SIK3: variants seen among roughly 807,000 people sequenced by gnomAD.
SIK3 encodes the protein serine/threonine-protein kinase SIK3.
Under a neutral mutation model 144.2 loss-of-function variants are expected in SIK3, and 28 were observed. The ratio of observed to expected loss-of-function variants is 0.19; its 90% CI spans 0.14 to 0.27. The LOEUF is 0.27. SIK3 is among the 10% of genes least tolerant of loss of function. The pLI is 1.00. For synonymous variants in SIK3, 686 were observed against 676.3 expected (o/e 1.01, Z -0.22); for missense variants, 1,319 against 1,776.0 (o/e 0.74, Z 4.62).
intron 8 of SIK3, 42 bp from the exon 9 acceptor site, chr11:116,876,051 A>G: frequency 6.2e-7 from 1 of 1,609,910 alleles, no homozygotes. Context: ...CCCTGGTGAA[A>G]TGGCATGTTG....
chr11:117,073,665 C>T (rs1954377840), intron 1 of SIK3, among the ~76,000 whole-genome samples: 1 of 152,204 alleles, frequency 6.6e-6, no homozygotes, highest in Non-Finnish European at 1.5e-5. Context: ...ACCAGACCTA[C>T]ACACAGGTTT....
intron 6 of SIK3, among the ~76,000 whole-genome samples, chr11:116,890,733 A>G (rs922404406): frequency 2.0e-5 from 3 of 152,190 alleles, no homozygotes; most frequent in African/African-American, 7.2e-5. Flanking sequence ...ATTCTAGAAT[A>G]CAGGAGTGGG....
At chr11:116,897,844 C>G (rs571092014) in intron 4 of SIK3, among the ~76,000 whole-genome samples, 1 of 151,756 alleles carries the variant, frequency 6.6e-6, no homozygotes, top group East Asian at 1.9e-4. Context: ...GATGGCGCCA[C>G]TGCACTCCAG....
intron 1 of SIK3, among the ~76,000 whole-genome samples, chr11:117,025,655 C>T (rs1951976083): frequency 6.6e-6 from 1 of 152,074 alleles, no homozygotes; most frequent in African/African-American, 2.4e-5. Flanking sequence ...GTCTTGAACT[C>T]CTAATCACTC....
chr11:117,035,119 T>C (rs1395936584), intron 1 of SIK3, among the ~76,000 whole-genome samples: 1 of 152,160 alleles, frequency 6.6e-6, no homozygotes, highest in Non-Finnish European at 1.5e-5. Context: ...TCCAAAATGC[T>C]TTTTTCAAAC....
Position 116,973,068 on chromosome 11 carries a change from G to C in SIK3, c.274-16004C>G, listed in dbSNP as rs575369806. Among the ~76,000 whole-genome samples, 6 of 152,270 alleles carry C rather than the reference G, an allele frequency of 3.9e-5. No homozygotes were observed. In the East Asian group the frequency reaches 1.2e-3, roughly 29 times the overall value. ...ACCAACTACCTGAACGATCTCGTAA[G>C]TAACTACTTTCCCAGTTAAGCCTCC... On this transcript the variant is annotated intron_variant, in intron 1 of 24. Coordinates refer to ENST00000445177, the MANE Select transcript of SIK3 (RefSeq NM_001366686.3).
Position 116,875,904 on chromosome 11 carries a change from G to A in SIK3, c.1201C>T (p.Pro401Ser), listed in dbSNP as rs773910911. 4 of 1,610,562 alleles carry A rather than the reference G, an allele frequency of 2.5e-6. No individual in the cohort carries two copies. The highest frequency in any genetic ancestry group is 3.4e-6 in the Non-Finnish European group (4 of 1,179,086). Residue 401 changes from proline to serine, a missense_variant, in exon 9 of 25, where the codon CCC (proline) becomes TCC (serine). Pro to Ser is a moderately conservative substitution (Grantham distance 74, BLOSUM62 -1). This residue lies in a region of SIK3 where 109 missense variants were observed against 109.3 expected (regional missense o/e 1.00). Coordinates refer to ENST00000445177, the MANE Select transcript of SIK3 (RefSeq NM_001366686.3). ...GGTGCTTGAAAGGCCAGGGCTCGGG[G>A]CATGCTAGGAAGTGCTCCGAGACGC... ...TLRLGALPSM[P>S]RALAFQAPVN...
Position 116,877,018 on chromosome 11 carries a change from A to G in SIK3, c.890T>C (p.Met297Thr), listed in dbSNP as rs1397997226. 1 of 1,614,152 alleles carries G rather than the reference A, an allele frequency of 6.2e-7. No individual in the cohort carries two copies. The highest frequency in any genetic ancestry group is 8.5e-7 in the Non-Finnish European group (1 of 1,180,020). ...GCGCTTATTGGGATCTAACACCAAC[A>G]TATGGCGGATCAAATGCTCACATTC... ...STECEHLIRH[M>T]LVLDPNKRLS... Residue 297 changes from methionine (M) to threonine (T), a missense_variant, in exon 7 of 25, where the codon ATG becomes ACG. Physicochemically the swap from Met to Thr is moderately conservative, Grantham distance 81 (BLOSUM62 -1). Coordinates refer to ENST00000445177, the MANE Select transcript of SIK3 (RefSeq NM_001366686.3).
chr11:116,895,867 A>G (rs771209357), intron 6 of SIK3, among the ~76,000 whole-genome samples: 5 of 152,224 alleles, frequency 3.3e-5, no homozygotes, highest in Non-Finnish European at 7.3e-5. Context: ...AAATATCCTG[A>G]AAAAGGGTAG....
intron 1 of SIK3, among the ~76,000 whole-genome samples, chr11:117,041,760 T>C (rs907767505): frequency 5.9e-5 from 9 of 152,226 alleles, no homozygotes; most frequent in Non-Finnish European, 1.2e-4. Context: ...GTTTTCTACC[T>C]GGCAACACAA....
chr11:117,091,945 G>A (rs116861530), intron 1 of SIK3, among the ~76,000 whole-genome samples: 11,009 of 151,946 alleles, frequency 0.072, 483 homozygotes, highest in Middle Eastern at 0.11. Context: ...ACCACACCCA[G>A]CTAATTTTTA....
At chr11:117,087,304 G>A (rs529790740) in intron 1 of SIK3, among the ~76,000 whole-genome samples, 4 of 151,946 alleles carry the variant, frequency 2.6e-5, no homozygotes, top group Non-Finnish European at 5.9e-5. Context: ...TTAGCCAGGC[G>A]TGGCTATGGG....
At chr11:117,023,441 C>A (rs1951856535) in intron 1 of SIK3, among the ~76,000 whole-genome samples, 1 of 147,000 alleles carries the variant, frequency 6.8e-6, no homozygotes, top group South Asian at 2.1e-4. Context: ...TAGACAGGGA[C>A]TCACTCTGTC....
At chr11:117,018,127 A>G (rs1454405157) in intron 1 of SIK3, among the ~76,000 whole-genome samples, 1 of 152,122 alleles carries the variant, frequency 6.6e-6, no homozygotes, top group Non-Finnish European at 1.5e-5. Context: ...CCCGCAGCTG[A>G]TATCTCAACA....
intron 1 of SIK3, among the ~76,000 whole-genome samples, chr11:117,040,091 AG>A (rs2135849684): frequency 6.6e-6 from 1 of 152,346 alleles, no homozygotes; most frequent in South Asian, 2.1e-4. Flanking sequence ...AGCTTTGAAA[AG>A]GGGAAAAGAA....
intron 3 of SIK3, chr11:116,950,341 T>C (rs1040758324): frequency 3.0e-6 from 1 of 332,094 alleles, no homozygotes; most frequent in African/African-American, 2.2e-5. Context: ...TGTTTTCGAA[T>C]AAACTTCTGC....
intron 1 of SIK3, among the ~76,000 whole-genome samples, chr11:117,051,959 T>C (rs1953267214): frequency 1.3e-5 from 2 of 151,444 alleles, no homozygotes; most frequent in South Asian, 2.1e-4. Context: ...CTGGCCAACA[T>C]GGTGAAATCC....
At chr11:117,013,994 T>TTTTTTTGG in intron 1 of SIK3, among the ~76,000 whole-genome samples, 1 of 127,806 alleles carries the variant, frequency 7.8e-6, no homozygotes, top group Non-Finnish European at 1.7e-5. Flanking sequence ...TTTTTTTTTT[T>TTTTTTTGG]GAGACAGGAT....
chr11:116,849,763 C>T lies in SIK3; in HGVS notation c.3656-480G>A, dbSNP rs1341614044. Among the ~76,000 whole-genome samples, 1 of 152,120 alleles carries T rather than the reference C, an allele frequency of 6.6e-6. No homozygotes were observed. Among genetic ancestry groups the T allele is most frequent in the African/African-American group, 2.4e-5 (1 of 41,398 alleles). On this transcript the variant is annotated intron_variant, in intron 21 of 24. Transcript: ENST00000445177. This position sits in a 1 kb window ranked among gnomAD's most constrained non-coding sequence, Gnocchi z 4.2. ...GCTTCTGACTCCTTTGATGGCCCCT[C>T]CACCCTTTCTAAGCAAGTACTCTCC...
Sources: allele counts gnomAD v4.1 joint callset (sites outside exome capture counted in the v4.1 genomes callset), GRCh38; gene constraint gnomAD v4.1.1; regional missense constraint gnomAD v4.1.1; non-coding constraint Gnocchi (gnomAD v3.1); transcripts MANE v1.5; gene names NCBI Gene and HGNC (gene_info 2026-07-23, HGNC 2026-07-21).